RIN2: variants seen among roughly 807,000 people sequenced by gnomAD.
RIN2 encodes the protein Ras and Rab interactor 2.
In RIN2, 36 loss-of-function variants were observed where a neutral mutation model predicts 78.0. The observed-to-expected ratio is 0.46, with a 90% confidence interval of 0.35 to 0.61. The LOEUF (loss-of-function observed/expected upper bound fraction) is 0.61. RIN2 is among the 20% of genes least tolerant of loss of function. RIN2 has a pLI of 0.00. For synonymous variants in RIN2, 466 were observed against 466.8 expected (o/e 1.00, Z 0.02); for missense variants, 1,087 against 1,159.7 (o/e 0.94, Z 0.91).
At chr20:19,796,508 G>C (rs1418150590) in intron 1 of RIN2, among the ~76,000 whole-genome samples, 2 of 152,146 alleles carry the variant, frequency 1.3e-5, no homozygotes, top group East Asian at 3.8e-4. Context: ...GTTAAGTATT[G>C]TTCTACAAAA....
At chr20:19,824,490 A>G (rs567726793) in intron 2 of RIN2, among the ~76,000 whole-genome samples, 42 of 151,606 alleles carry the variant, frequency 2.8e-4, no homozygotes, top group Non-Finnish European at 4.6e-4. Context: ...GTATCTAGTG[A>G]CACTCATGTC....
At chr20:19,856,080 A>T (rs1600632526) in intron 2 of RIN2, among the ~76,000 whole-genome samples, 1 of 152,170 alleles carries the variant, frequency 6.6e-6, no homozygotes, top group African/African-American at 2.4e-5. Context: ...TCTAGAACAA[A>T]AAAAAAGAAG....
intron 2 of RIN2, among the ~76,000 whole-genome samples, chr20:19,807,089 G>A (rs2035434214): frequency 6.6e-6 from 1 of 152,226 alleles, no homozygotes; most frequent in Admixed American, 6.5e-5. Flanking sequence ...GCTACCTGAG[G>A]AAAGCTCTCC....
chr20:19,800,238 GT>G (rs1004218131), intron 2 of RIN2, among the ~76,000 whole-genome samples: 1 of 151,956 alleles, frequency 6.6e-6, no homozygotes, highest in Non-Finnish European at 1.5e-5. Context: ...ACTTTTTGTA[GT>G]TTTTTTTATA....
At chr20:19,812,865 G>A (rs543089542) in intron 2 of RIN2, among the ~76,000 whole-genome samples, 1 of 152,304 alleles carries the variant, frequency 6.6e-6, no homozygotes, top group East Asian at 1.9e-4. Context: ...TCCAGATGTT[G>A]GGTAAAGAAA....
At chr20:19,873,681 A>T (rs2037762569) in intron 2 of RIN2, among the ~76,000 whole-genome samples, 1 of 152,164 alleles carries the variant, frequency 6.6e-6, no homozygotes, top group African/African-American at 2.4e-5. Context: ...TTACAAGTGG[A>T]TGCAAAACTG....
At chr20:19,794,599 C>T (rs1202131953) in intron 1 of RIN2, among the ~76,000 whole-genome samples, 1 of 149,540 alleles carries the variant, frequency 6.7e-6, no homozygotes, top group Non-Finnish European at 1.5e-5. Flanking sequence ...TTCATATGAA[C>T]CTTCTAGATG....
intron 9 of RIN2, among the ~76,000 whole-genome samples, chr20:19,980,546 T>A (rs558483786): frequency 6.6e-6 from 1 of 152,224 alleles, no homozygotes; most frequent in East Asian, 1.9e-4. Flanking sequence ...TGCTCCAGAG[T>A]ATTTTTTGAC....
At chr20:19,997,528 G>A (rs2043008794) in intron 12 of RIN2, among the ~76,000 whole-genome samples, 1 of 152,174 alleles carries the variant, frequency 6.6e-6, no homozygotes, top group Admixed American at 6.5e-5. Flanking sequence ...GGAGGCCAAG[G>A]TGGGCAGATC....
intron 7 of RIN2, among the ~76,000 whole-genome samples, chr20:19,969,076 G>T (rs1415980272): frequency 6.6e-6 from 1 of 152,078 alleles, no homozygotes; most frequent in African/African-American, 2.4e-5. Flanking sequence ...GAGTACTACG[G>T]TGTCAAAACA....
chr20:19,934,887 T>A (rs996405362), intron 3 of RIN2, among the ~76,000 whole-genome samples: 2 of 151,822 alleles, frequency 1.3e-5, no homozygotes, highest in African/African-American at 4.8e-5. Context: ...GAAACCTAAG[T>A]TCTTCCCCTT....
At chr20:19,845,913 A>T (rs1321185857) in intron 2 of RIN2, among the ~76,000 whole-genome samples, 1 of 152,176 alleles carries the variant, frequency 6.6e-6, no homozygotes, top group Non-Finnish European at 1.5e-5. Context: ...TATAAGGTTT[A>T]TGAAAGGGGT....
intron 4 of RIN2, among the ~76,000 whole-genome samples, chr20:19,936,553 CA>C (rs1422471196): frequency 5.9e-5 from 9 of 152,176 alleles, no homozygotes; most frequent in Non-Finnish European, 1.3e-4. Context: ...CCAAGCTCCA[CA>C]GATGACAGAC....
chr20:19,975,899 G>C lies in RIN2; in HGVS notation c.1762+112G>C, dbSNP rs1466081146. On this transcript the variant is annotated intron_variant, in intron 9 of 12. Coordinates refer to ENST00000255006, the MANE Select transcript of RIN2 (RefSeq NM_018993.4). The surrounding 1 kb of genome is among the most constrained non-coding windows in gnomAD (Gnocchi z 4.9). ...ACTCCGAAGTTCAAAACAACACCCA[G>C]CTCCACCTTCTCTCCCGGTTTGAAT... 3.0e-6 allele frequency: 3 copies of C among 992,648 alleles called. No individual in the cohort carries two copies. The highest frequency in any genetic ancestry group is 2.6e-5 in the East Asian group (1 of 38,296). The allele number at this position is 992,648 out of a possible 1,614,324, so 61.5% of individuals were successfully genotyped here.
At chr20:19,825,098 G>A (rs759619736) in intron 2 of RIN2, among the ~76,000 whole-genome samples, 1 of 152,236 alleles carries the variant, frequency 6.6e-6, no homozygotes, top group Non-Finnish European at 1.5e-5. Flanking sequence ...CCCTGGGGAT[G>A]AGACCAGGCT....
chr20:19,849,597 A>G (rs1437968140), intron 2 of RIN2, among the ~76,000 whole-genome samples: 1 of 152,216 alleles, frequency 6.6e-6, no homozygotes, highest in Non-Finnish European at 1.5e-5. Flanking sequence ...CATTTGAGGC[A>G]TGATGTCTCG....
chr20:19,803,003 A>G (rs1430157413), intron 2 of RIN2, among the ~76,000 whole-genome samples: 1 of 152,184 alleles, frequency 6.6e-6, no homozygotes, highest in African/African-American at 2.4e-5. Flanking sequence ...TCAGTGCAAT[A>G]GAACTTCATT....
At chr20:19,772,430 C>A (rs1884770) in intron 1 of RIN2, among the ~76,000 whole-genome samples, 79,153 of 151,892 alleles carry the variant, frequency 0.52, 20,885 homozygotes, top group Non-Finnish European at 0.54. Context: ...GTCTTTGATC[C>A]CCATATGATG....
intron 1 of RIN2, among the ~76,000 whole-genome samples, chr20:19,774,079 C>A (rs553403738): frequency 6.6e-6 from 1 of 152,130 alleles, no homozygotes; most frequent in East Asian, 1.9e-4. Flanking sequence ...GGGCTGTCAA[C>A]CAGCTACCAT....
Sources: gnomAD v4.1 joint callset for allele counts (sites outside exome capture counted in the v4.1 genomes callset) on GRCh38, gnomAD v4.1.1 for gene constraint, Gnocchi (gnomAD v3.1) non-coding constraint, MANE v1.5 for transcripts, NCBI Gene and HGNC (gene_info 2026-07-23, HGNC 2026-07-21) for gene names.